The following PBX3 variants were observed in gnomAD, a reference collection of about 807,000 sequenced individuals.
PBX3 encodes the protein PBX homeobox 3.
In PBX3, 14 loss-of-function variants were observed where a neutral mutation model predicts 48.5. The ratio of observed to expected loss-of-function variants is 0.29; its 90% CI spans 0.19 to 0.45. PBX3 has a LOEUF of 0.45. Among genes scored for constraint, PBX3 ranks in the 20% least tolerant of loss-of-function variants. The pLI is 1.00. For synonymous variants in PBX3, 210 were observed against 200.3 expected (o/e 1.05, Z -0.41); for missense variants, 386 against 546.7 (o/e 0.71, Z 2.93).
intron 2 of PBX3, among the ~76,000 whole-genome samples, chr9:125,760,531 C>A (rs1389237487): frequency 6.6e-6 from 1 of 151,846 alleles, no homozygotes; most frequent in Admixed American, 6.6e-5. Context: ...TATTGTATAC[C>A]ACTATTAGAA....
intron 2 of PBX3, among the ~76,000 whole-genome samples, chr9:125,760,909 T>C (rs1836649066): frequency 6.6e-6 from 1 of 152,242 alleles, no homozygotes; most frequent in Non-Finnish European, 1.5e-5. Flanking sequence ...TGTGCAGCTG[T>C]ACCAATATTT....
At chr9:125,846,856 G>A (rs1839438384) in intron 2 of PBX3, among the ~76,000 whole-genome samples, 1 of 151,816 alleles carries the variant, frequency 6.6e-6, no homozygotes. Flanking sequence ...ATTGCAGTTG[G>A]TTGATATATC....
intron 1 of PBX3, chr9:125,748,279 C>G: frequency 1.8e-6 from 2 of 1,084,366 alleles, no homozygotes; most frequent in Non-Finnish European, 2.2e-6. Context: ...CGGGGCGAGG[C>G]TCCCCGCGCG....
In PBX3 at chr9:125,777,019, T is replaced by TC. The variant is rs1469138598; in HGVS notation, c.274+28396_274+28397insC. On this transcript the variant is annotated intron_variant, in intron 2 of 8. Coordinates refer to ENST00000373489, the MANE Select transcript of PBX3 (RefSeq NM_006195.6). ...ACATGATTTTTCTTTTCTTTTCTTT[T>TC]TTTTTTTTGAGACGGAGTCTCTGTC... 3.7e-4 allele frequency among the ~76,000 whole-genome samples: 56 copies of TC among 151,498 alleles called. 1 individual carries two copies. Among genetic ancestry groups the TC allele is most frequent in the African/African-American group, 1.3e-3 (52 of 41,318 alleles).
At chr9:125,826,796 C>T (rs1295517673) in intron 2 of PBX3, among the ~76,000 whole-genome samples, 2 of 151,996 alleles carry the variant, frequency 1.3e-5, no homozygotes, top group Non-Finnish European at 2.9e-5. Context: ...TATTTTGTTG[C>T]ATGCATAGAA....
chr9:125,919,298 C>T (rs1009893686), intron 3 of PBX3, among the ~76,000 whole-genome samples: 3 of 151,632 alleles, frequency 2.0e-5, no homozygotes, highest in Non-Finnish European at 4.4e-5. Flanking sequence ...ACTGCGACCT[C>T]CGCTTCCCAG....
chr9:125,850,283 A>T (rs185991648), intron 2 of PBX3, among the ~76,000 whole-genome samples: 24 of 152,128 alleles, frequency 1.6e-4, no homozygotes, highest in African/African-American at 5.5e-4. Flanking sequence ...GAGGTTTGGC[A>T]CGATTTGGAA....
At position 125,961,226 on chromosome 9, in the gene PBX3, T is replaced by C. The variant is rs373836558; in HGVS notation, c.1009+377T>C. On this transcript the variant is annotated intron_variant, in intron 6 of 8. Transcript: ENST00000373489. ...GAAGTGGGAAATGCAGCAGTTGCTG[T>C]GTGTGAGGAAGCTGGAATGCTGGAG... is the stretch of plus-strand genomic sequence containing the variant. Among the ~76,000 whole-genome samples, 112 of 152,296 alleles carry C rather than the reference T, an allele frequency of 7.4e-4. 1 individual carries two copies. In the East Asian group the frequency reaches 9.8e-3, roughly 13 times the overall value.
intron 5 of PBX3, 132 bp downstream of exon 5, chr9:125,935,739 T>C: frequency 1.1e-6 from 1 of 949,108 alleles, no homozygotes; most frequent in Non-Finnish European, 1.5e-6. Context: ...AATGTAGATA[T>C]TTCCACAGTT....
chr9:125,867,652 A>AAC (rs1554721871), intron 2 of PBX3, among the ~76,000 whole-genome samples: 3 of 150,762 alleles, frequency 2.0e-5, no homozygotes, highest in African/African-American at 7.3e-5. Context: ...AAAAAAAAAA[A>AAC]AAAAACCACA....
intron 2 of PBX3, among the ~76,000 whole-genome samples, chr9:125,821,201 A>C (rs1194474557): frequency 6.6e-6 from 1 of 152,182 alleles, no homozygotes; most frequent in Non-Finnish European, 1.5e-5. Flanking sequence ...TATATATTAC[A>C]GCTCATTTAA....
intron 2 of PBX3, among the ~76,000 whole-genome samples, chr9:125,850,658 C>T (rs1420696337): frequency 6.6e-6 from 1 of 151,836 alleles, no homozygotes; most frequent in Non-Finnish European, 1.5e-5. Context: ...CAGTATTGTA[C>T]TGAAAAATTA....
At chr9:125,838,569 G>T (rs1252483855) in intron 2 of PBX3, among the ~76,000 whole-genome samples, 1 of 152,132 alleles carries the variant, frequency 6.6e-6, no homozygotes, top group Non-Finnish European at 1.5e-5. Context: ...TACTTTGCAG[G>T]ATATGAAAAA....
At chr9:125,955,283 C>T (rs1028797611) in intron 5 of PBX3, among the ~76,000 whole-genome samples, 3 of 152,150 alleles carry the variant, frequency 2.0e-5, no homozygotes, top group African/African-American at 7.2e-5. Flanking sequence ...CTCCCGCTTC[C>T]TCTTCCTCAG....
At chr9:125,801,779 ATG>A in intron 2 of PBX3, among the ~76,000 whole-genome samples, 1 of 139,036 alleles carries the variant, frequency 7.2e-6, no homozygotes, top group Non-Finnish European at 1.5e-5. Flanking sequence ...TTATATGAAC[ATG>A]TATACACATA....
chr9:125,954,697 G>A (rs968022678), intron 5 of PBX3, among the ~76,000 whole-genome samples: 3 of 152,030 alleles, frequency 2.0e-5, no homozygotes, highest in Admixed American at 1.3e-4. Flanking sequence ...CACCACGCCC[G>A]GCTAATTTTT....
chr9:125,809,287 A>C (rs1838217602), intron 2 of PBX3, among the ~76,000 whole-genome samples: 2 of 152,204 alleles, frequency 1.3e-5, no homozygotes, highest in Admixed American at 6.5e-5. Context: ...GTTACAAATA[A>C]ATTTTAGTGA....
intron 5 of PBX3, among the ~76,000 whole-genome samples, chr9:125,959,901 C>G (rs1842390912): frequency 6.6e-6 from 1 of 152,118 alleles, no homozygotes; most frequent in African/African-American, 2.4e-5. Flanking sequence ...CATTGTAACT[C>G]TGAGCCATGA....
chr9:125,962,119 A>T lies in PBX3; in HGVS notation c.1027A>T (p.Asn343Tyr), dbSNP rs1421450777. 4 of 1,604,136 alleles carry T rather than the reference A, an allele frequency of 2.5e-6. No individual in the cohort carries two copies. The highest frequency in any genetic ancestry group is 3.4e-6 in the Non-Finnish European group (4 of 1,171,126). Residue 343 changes from asparagine (N) to tyrosine (Y), a missense_variant, in exon 7 of 9, where the codon AAC becomes TAC. Coordinates refer to ENST00000373489, the MANE Select transcript of PBX3 (RefSeq NM_006195.6). ...CTTTCCAGGTTCTTCTGGTTCTTTT[A>T]ACCTCCCAAATTCTGGGGACATGTT... ...TPNSGSSGSF[N>Y]LPNSGDMFMN...
Sources: gnomAD v4.1 joint callset for allele counts (sites outside exome capture counted in the v4.1 genomes callset) on GRCh38, gnomAD v4.1.1 for gene constraint, MANE v1.5 for transcripts, NCBI Gene and HGNC (gene_info 2026-07-23, HGNC 2026-07-21) for gene names.